ARB2A: variants seen among roughly 807,000 people sequenced by gnomAD.
ARB2A encodes ARB2 cotranscriptional regulator A.
the ARB2A span, among the ~76,000 whole-genome samples, chr5:93,641,760 A>T: frequency 6.6e-6 from 1 of 152,222 alleles, no homozygotes; most frequent in African/African-American, 2.4e-5. Context: ...ACATTTTAAA[A>T]ATATCATATT....
At chr5:93,815,316 A>C in the ARB2A span, among the ~76,000 whole-genome samples, 2 of 152,314 alleles carry the variant, frequency 1.3e-5, no homozygotes, top group Middle Eastern at 3.4e-3. Flanking sequence ...AATTACAGAG[A>C]CCTAGAAGAG....
chr5:93,808,716 T>A, the ARB2A span, among the ~76,000 whole-genome samples: 1 of 151,962 alleles, frequency 6.6e-6, no homozygotes, highest in Non-Finnish European at 1.5e-5. Context: ...TGAAGGCAAG[T>A]CAGGTAATTT....
At chr5:93,826,948 G>C in the ARB2A span, among the ~76,000 whole-genome samples, 1 of 151,938 alleles carries the variant, frequency 6.6e-6, no homozygotes, top group Non-Finnish European at 1.5e-5. Flanking sequence ...TGGCTGCATA[G>C]TATTCCATGG....
At chr5:93,703,063 C>T in the ARB2A span, among the ~76,000 whole-genome samples, 1 of 152,156 alleles carries the variant, frequency 6.6e-6, no homozygotes, top group Admixed American at 6.5e-5. Flanking sequence ...TATAGTCCTT[C>T]TGGAAAAGCA....
At chr5:93,857,297 C>T in the ARB2A span, among the ~76,000 whole-genome samples, 1 of 152,138 alleles carries the variant, frequency 6.6e-6, no homozygotes, top group Non-Finnish European at 1.5e-5. Context: ...GCTGGGAGAA[C>T]CACTGCTCTC....
chr5:93,677,620 C>T, the ARB2A span, among the ~76,000 whole-genome samples: 1 of 152,144 alleles, frequency 6.6e-6, no homozygotes, highest in African/African-American at 2.4e-5. Flanking sequence ...CAGGGACTAG[C>T]CTGGACAAAA....
the ARB2A span, among the ~76,000 whole-genome samples, chr5:94,011,612 G>A: frequency 2.6e-5 from 4 of 152,152 alleles, no homozygotes; most frequent in Admixed American, 2.6e-4. Context: ...CCAATATAAT[G>A]TAGAAAGACT....
At chr5:94,021,797 C>A in the ARB2A span, among the ~76,000 whole-genome samples, 2 of 152,186 alleles carry the variant, frequency 1.3e-5, no homozygotes, top group Non-Finnish European at 1.5e-5. Context: ...CCAGGCCAGG[C>A]GCAGTGGCTC....
the ARB2A span, among the ~76,000 whole-genome samples, chr5:94,007,981 A>G: frequency 7.2e-5 from 11 of 152,356 alleles, no homozygotes; most frequent in South Asian, 4.1e-4. Context: ...TAAGTATTAA[A>G]TAAGTAAACA....
the ARB2A span, among the ~76,000 whole-genome samples, chr5:93,800,543 G>A: frequency 6.6e-6 from 1 of 151,986 alleles, no homozygotes; most frequent in Middle Eastern, 3.2e-3. Flanking sequence ...TTAGGCTACT[G>A]ATTGCTTTCT....
chr5:93,900,209 T>C, the ARB2A span, among the ~76,000 whole-genome samples: 4 of 152,168 alleles, frequency 2.6e-5, no homozygotes, highest in Non-Finnish European at 5.9e-5. Context: ...AAAAATACTA[T>C]TTTGGGTCTT....
chr5:93,903,892 T>C, the ARB2A span, among the ~76,000 whole-genome samples: 2 of 151,966 alleles, frequency 1.3e-5, no homozygotes, highest in African/African-American at 2.4e-5. Flanking sequence ...AAAGTGAGAA[T>C]AAAAAATAGT....
At chr5:94,046,345 C>A in the ARB2A span, among the ~76,000 whole-genome samples, 1 of 152,102 alleles carries the variant, frequency 6.6e-6, no homozygotes, top group African/African-American at 2.4e-5. Context: ...GTTCATCTAA[C>A]TGTGCTCCAA....
chr5:93,936,277 A>G, the ARB2A span, among the ~76,000 whole-genome samples: 1 of 152,178 alleles, frequency 6.6e-6, no homozygotes, highest in Non-Finnish European at 1.5e-5. Flanking sequence ...CTCTCTTAAG[A>G]AAAAATTTTG....
At chr5:93,966,372 G>A in the ARB2A span, among the ~76,000 whole-genome samples, 1 of 151,888 alleles carries the variant, frequency 6.6e-6, no homozygotes, top group African/African-American at 2.4e-5. Context: ...GAAAAAAGCT[G>A]GACAAACTAG....
chr5:93,948,118 C>T, the ARB2A span, among the ~76,000 whole-genome samples: 14 of 152,166 alleles, frequency 9.2e-5, no homozygotes, highest in Non-Finnish European at 1.9e-4. Context: ...AACTAGTTTA[C>T]AGTCCCAACA....
chr5:93,778,512 C>T, the ARB2A span, among the ~76,000 whole-genome samples: 1 of 152,162 alleles, frequency 6.6e-6, no homozygotes, highest in Non-Finnish European at 1.5e-5. Context: ...CCCAATGATA[C>T]AGGGAGATAG....
chr5:93,940,345 T>C, the ARB2A span, among the ~76,000 whole-genome samples: 1 of 151,958 alleles, frequency 6.6e-6, no homozygotes, highest in East Asian at 1.9e-4. Flanking sequence ...AACAAAAGAG[T>C]ATACATTCTG....
the ARB2A span, among the ~76,000 whole-genome samples, chr5:93,907,823 T>C: frequency 6.6e-6 from 1 of 151,530 alleles, no homozygotes; most frequent in South Asian, 2.1e-4. Flanking sequence ...GGAAGACATG[T>C]ATCATGGCCA....
Sources: allele counts gnomAD v4.1 joint callset (sites outside exome capture counted in the v4.1 genomes callset), GRCh38; gene constraint gnomAD v4.1.1; transcripts MANE v1.5; gene names NCBI Gene and HGNC (gene_info 2026-07-23, HGNC 2026-07-21).